ATP11B: variants seen among roughly 807,000 people sequenced by gnomAD.
ATP11B encodes phospholipid-transporting ATPase IF.
Under a neutral mutation model 157.8 loss-of-function variants are expected in ATP11B, and 81 were observed. That is an observed-to-expected ratio of 0.51 (90% CI 0.43 to 0.62). The LOEUF (loss-of-function observed/expected upper bound fraction) is 0.62, where lower values mean the gene tolerates loss of function less well. Ranked by LOEUF, ATP11B falls within the 20% of genes least tolerant of loss-of-function variation. The pLI, the probability that ATP11B is intolerant of heterozygous loss-of-function variation, is 0.00. For synonymous variants in ATP11B, 451 were observed against 469.4 expected, an observed-to-expected ratio of 0.96 and a Z score of 0.51; for missense variants, 1,165 against 1,402.2, an observed-to-expected ratio of 0.83 and a Z score of 2.70.
At chr3:182,914,133 C>A in intron 29 of ATP11B, 139 bp downstream of exon 29, 1 of 1,479,154 alleles carries the variant, frequency 6.8e-7, no homozygotes, top group Non-Finnish European at 8.9e-7. Flanking sequence ...TATTAGCACT[C>A]TTTGGTGGTA....
intron 1 of ATP11B, among the ~76,000 whole-genome samples, chr3:182,819,707 T>C (rs1201690766): frequency 6.6e-6 from 1 of 152,202 alleles, no homozygotes; most frequent in Non-Finnish European, 1.5e-5. Flanking sequence ...GTAAGTCATC[T>C]GGGAACAAAG....
intron 7 of ATP11B, 128 bp downstream of exon 7, chr3:182,837,302 A>G: frequency 1.6e-6 from 1 of 607,820 alleles, no homozygotes; most frequent in Non-Finnish European, 2.7e-6. Context: ...TTGGTGGGAG[A>G]TGCAATTAAT....
At chr3:182,831,906 T>G (rs1010076039) in intron 4 of ATP11B, among the ~76,000 whole-genome samples, 1 of 152,190 alleles carries the variant, frequency 6.6e-6, no homozygotes, top group East Asian at 1.9e-4. Flanking sequence ...ACCTGCTTAT[T>G]TCCCATTAGC....
At chr3:182,796,719 T>TA (rs1383184884) in intron 1 of ATP11B, among the ~76,000 whole-genome samples, 1 of 152,190 alleles carries the variant, frequency 6.6e-6, no homozygotes, top group East Asian at 1.9e-4. Context: ...ATACTCTACA[T>TA]AAGTAGACAT....
At chr3:182,824,613 G>A (rs1160096906) in intron 2 of ATP11B, among the ~76,000 whole-genome samples, 2 of 152,142 alleles carry the variant, frequency 1.3e-5, no homozygotes, top group Admixed American at 1.3e-4. Flanking sequence ...AAGCTTTTGG[G>A]ATTAAATAAG....
Position 182,793,679 on chromosome 3 carries a change from TC to T in ATP11B, c.-78del. On this transcript the variant is annotated 5_prime_UTR_variant, in exon 1 of 30. Coordinates refer to ENST00000323116, the MANE Select transcript of ATP11B (RefSeq NM_014616.3). Reference sequence around the variant, plus strand: ...ACTTCGGCCCGAGGGGCTCGCCCGCTCCCGCCTCTGTCTTGTCGGCCTCCAC... The same window carrying T: ...ACTTCGGCCCGAGGGGCTCGCCCGCTCCGCCTCTGTCTTGTCGGCCTCCAC... 2 of 975,046 alleles carry T rather than the reference TC, an allele frequency of 2.1e-6. No individual in the cohort carries two copies. The highest frequency in any genetic ancestry group is 3.6e-5 in the South Asian group (2 of 55,914). The allele number at this position is 975,046 out of a possible 1,614,324, so 60.4% of individuals were successfully genotyped here.
Position 182,872,491 on chromosome 3 carries a change from A to C in ATP11B, c.2002A>C (p.Ile668Leu), listed in dbSNP as rs555706484. Residue 668 changes from isoleucine (I) to leucine (L), a missense_variant, in exon 18 of 30, where the codon ATA becomes CTA. Around this residue, in one of 4 missense-constraint regions of ATP11B, gnomAD observed 737 missense variants for 930.5 expected, o/e 0.79. Transcript: ENST00000323116. ...GAAATTGGCAGCTGTTTTCCAGTTC[A>C]TAGAGAAAGACCTGATATTACTTGG... is the stretch of plus-strand genomic sequence containing the variant. ...EEKLAAVFQF[I>L]EKDLILLGAT... is the part of the protein sequence containing the mutation. 8.1e-6 allele frequency: 13 copies of C among 1,614,128 alleles called. No homozygotes were observed. The highest frequency in any genetic ancestry group is 1.1e-5 in the Non-Finnish European group (13 of 1,179,996).
intron 4 of ATP11B, among the ~76,000 whole-genome samples, chr3:182,832,850 G>A (rs545219322): frequency 6.6e-6 from 1 of 152,180 alleles, no homozygotes; most frequent in Non-Finnish European, 1.5e-5. Context: ...TAGAGTAGTA[G>A]TAAAATCCAG....
At chr3:182,901,340 CA>C (rs1226647966) in intron 28 of ATP11B, among the ~76,000 whole-genome samples, 28 of 49,236 alleles carry the variant, frequency 5.7e-4, no homozygotes, top group Admixed American at 9.9e-4. Context: ...CTCCGTCTCA[CA>C]AAAAAAAAAA....
chr3:182,850,960 T>C (rs1719931694), intron 10 of ATP11B, among the ~76,000 whole-genome samples: 3 of 152,142 alleles, frequency 2.0e-5, no homozygotes, highest in Non-Finnish European at 2.9e-5. Flanking sequence ...AGCAGCAACA[T>C]GGATGTAACT....
intron 17 of ATP11B, among the ~76,000 whole-genome samples, chr3:182,870,089 C>T (rs1412084683): frequency 1.3e-5 from 2 of 152,034 alleles, no homozygotes; most frequent in East Asian, 3.8e-4. Context: ...TTGCCAGGGG[C>T]TGGAGGAAGG....
chr3:182,887,757 G>A lies in ATP11B; in HGVS notation c.2843+44G>A, dbSNP rs770272061. 5.1e-6 allele frequency: 8 copies of A among 1,566,910 alleles called. No individual in the cohort carries two copies. The Admixed American group carries it at 5.9e-5, about 12-fold the overall frequency. On this transcript the variant is annotated intron_variant, in intron 24 of 29. Transcript: ENST00000323116. ...TAAATGGCCTTATCAGTTTTTTTAAGTAAAAAATAAGCAGATTTATTTATG... is the reference window on the plus strand; with the variant it reads ...TAAATGGCCTTATCAGTTTTTTTAAATAAAAAATAAGCAGATTTATTTATG...
intron 23 of ATP11B, among the ~76,000 whole-genome samples, chr3:182,887,120 A>T (rs2108567232): frequency 6.6e-6 from 1 of 152,290 alleles, no homozygotes; most frequent in East Asian, 1.9e-4. Context: ...ATCGTTAAGG[A>T]CTTAAGCCAT....
intron 25 of ATP11B, among the ~76,000 whole-genome samples, chr3:182,893,542 T>G (rs1236034688): frequency 6.6e-6 from 1 of 152,252 alleles, no homozygotes; most frequent in Non-Finnish European, 1.5e-5. Context: ...ATGGCTGAGT[T>G]GTATTCCATG....
At chr3:182,837,941 T>G (rs538171742) in intron 7 of ATP11B, among the ~76,000 whole-genome samples, 12 of 152,168 alleles carry the variant, frequency 7.9e-5, no homozygotes, top group African/African-American at 2.6e-4. Flanking sequence ...ATTAAACGAT[T>G]AACTAAGTTC....
At chr3:182,878,667 T>G (rs1722214134) in intron 19 of ATP11B, among the ~76,000 whole-genome samples, 1 of 152,194 alleles carries the variant, frequency 6.6e-6, no homozygotes, top group Non-Finnish European at 1.5e-5. Flanking sequence ...TGCCCACATG[T>G]GAGGTGTTAT....
chr3:182,800,060 T>C (rs1432584226), intron 1 of ATP11B, among the ~76,000 whole-genome samples: 1 of 152,030 alleles, frequency 6.6e-6, no homozygotes, highest in African/African-American at 2.4e-5. Context: ...CAGTGAGCTA[T>C]GATTGTGCCA....
intron 1 of ATP11B, among the ~76,000 whole-genome samples, chr3:182,817,166 G>T (rs959832656): frequency 1.3e-5 from 2 of 152,028 alleles, no homozygotes; most frequent in African/African-American, 4.8e-5. Context: ...GGAAAAGTTT[G>T]TCATCATTCT....
chr3:182,805,285 C>T (rs1165276722), intron 1 of ATP11B, among the ~76,000 whole-genome samples: 1 of 152,166 alleles, frequency 6.6e-6, no homozygotes, highest in Non-Finnish European at 1.5e-5. Context: ...CTTGCCAACA[C>T]TTACTTTTGT....
Sources: allele counts gnomAD v4.1 joint callset (sites outside exome capture counted in the v4.1 genomes callset), GRCh38; gene constraint gnomAD v4.1.1; regional missense constraint gnomAD v4.1.1; transcripts MANE v1.5; gene names NCBI Gene and HGNC (gene_info 2026-07-23, HGNC 2026-07-21).